Variants in TTC7A observed in about 807,000 individuals in gnomAD.
TTC7A encodes the protein tetratricopeptide repeat protein 7A.
Under a neutral mutation model 103.7 loss-of-function variants are expected in TTC7A, and 110 were observed. That is an observed-to-expected ratio of 1.06 (90% CI 0.91 to 1.24). The LOEUF (loss-of-function observed/expected upper bound fraction) is 1.24. TTC7A is among the 50% of genes most tolerant of loss of function. The pLI, the probability that TTC7A is intolerant of heterozygous loss-of-function variation, is 0.00. For synonymous variants in TTC7A, 521 were observed against 467.9 expected (o/e 1.11, Z -1.47); for missense variants, 1,340 against 1,116.3 (o/e 1.20, Z -2.86).
chr2:47,068,845 T>C (rs1553416124), intron 19 of TTC7A, among the ~76,000 whole-genome samples: 2 of 120,052 alleles, frequency 1.7e-5, no homozygotes, highest in Non-Finnish European at 1.7e-5. Context: ...TTAATTAAGC[T>C]CCAGAATCAA....
rs147261315 is a variant in TTC7A, at chr2:47,047,116, G to C, written c.1919+685G>C. ...AAACCCAATGGGATGCCTAGGCTTAGCCTATGTGGCCCAAAGGGAAAGTGG... is the reference window on the plus strand; with the variant it reads ...AAACCCAATGGGATGCCTAGGCTTACCCTATGTGGCCCAAAGGGAAAGTGG... On this transcript the variant is annotated intron_variant, in intron 16 of 19. Coordinates refer to ENST00000319190, the MANE Select transcript of TTC7A (RefSeq NM_020458.4). 1,115 of 615,752 alleles carry C rather than the reference G, an allele frequency of 1.8e-3. 8 individuals carry two copies. Among genetic ancestry groups the C allele is most frequent in the Middle Eastern group, 0.013 (29 of 2,260 alleles). 38.1% of individuals were successfully genotyped at this position (615,752 alleles called of 1,614,324 possible). A position where few individuals can be genotyped will look rare whatever the true frequency, so the allele number is the denominator to read the frequency against.
At chr2:47,049,833 G>A in intron 16 of TTC7A, 116 bp from the exon 17 acceptor site, 1 of 743,622 alleles carries the variant, frequency 1.3e-6, no homozygotes, top group Non-Finnish European at 2.3e-6. Flanking sequence ...AGCCTGCCTG[G>A]AGTGAGGCTG....
At chr2:47,037,656 T>C (rs1259244676) in intron 15 of TTC7A, among the ~76,000 whole-genome samples, 1 of 152,208 alleles carries the variant, frequency 6.6e-6, no homozygotes, top group Non-Finnish European at 1.5e-5. Flanking sequence ...ATGCACCCAG[T>C]GCTGGCTCCA....
At chr2:46,965,043 G>A (rs1426592520) in intron 3 of TTC7A, among the ~76,000 whole-genome samples, 1 of 152,214 alleles carries the variant, frequency 6.6e-6, no homozygotes, top group Admixed American at 6.5e-5. Context: ...GTGCAGTGCA[G>A]TGACATGCTA....
rs991969165 is a variant in TTC7A, at chr2:46,941,376, C to G, written c.-166C>G. On this transcript the variant is annotated 5_prime_UTR_variant, in exon 1 of 20. Transcript: ENST00000319190. This position sits in a 1 kb window ranked among gnomAD's most constrained non-coding sequence, Gnocchi z 4.2. ...CTGGGAGCTGCTGGTGCTGCTGCTG[C>G]TGCTGCTGCCCACCCTCCGCCGCCC... The G allele has an allele frequency of 6.6e-6, 3 of 457,692 alleles. No individual in the cohort carries two copies. Among genetic ancestry groups the G allele is most frequent in the African/African-American group, 6.2e-5 (3 of 48,282 alleles). The allele number at this position is 457,692 out of a possible 1,614,324, so 28.4% of individuals were successfully genotyped here. A position where few individuals can be genotyped will look rare whatever the true frequency, so the allele number is the denominator to read the frequency against.
chr2:47,029,282 A>G lies in TTC7A; in HGVS notation c.1700A>G (p.His567Arg), dbSNP rs533121536. Residue 567 changes from histidine (H) to arginine (R), a missense_variant, in exon 15 of 20, where the codon CAC becomes CGC. His to Arg is a conservative substitution (Grantham distance 29). Transcript: ENST00000319190. ...CTGAAGGTACGCAAGGATGATGCCC[A>G]CGCCCTCCACCTGCTGGCACTGCTC... ...EALKVRKDDA[H>R]ALHLLALLFS... 1.2e-6 allele frequency: 2 copies of G among 1,614,022 alleles called. No individual in the cohort carries two copies. Among genetic ancestry groups the G allele is most frequent in the African/African-American group, 2.7e-5 (2 of 75,042 alleles).
At chr2:46,989,896 A>G (rs1320084577) in intron 5 of TTC7A, among the ~76,000 whole-genome samples, 2 of 152,038 alleles carry the variant, frequency 1.3e-5, no homozygotes, top group South Asian at 4.2e-4. Context: ...GCTTCCAGGT[A>G]ATGCCACTCT....
chr2:46,950,548 C>CTGAG lies in TTC7A; in HGVS notation c.348+23_348+26dup, dbSNP rs755528347. 1.9e-6 allele frequency: 3 copies of CTGAG among 1,612,226 alleles called. No homozygotes were observed. In the African/African-American group the frequency reaches 4.0e-5, roughly 22 times the overall value. ...CTCGGTAAGTCGTCAGCCTTCAAGC[C>CTGAG]TGAGACCTCCTCTCCTCGTCTGTCT... On this transcript the variant is annotated intron_variant, in intron 2 of 19. Coordinates refer to ENST00000319190, the MANE Select transcript of TTC7A (RefSeq NM_020458.4).
At chr2:47,048,462 C>A (rs182262848) in intron 16 of TTC7A, among the ~76,000 whole-genome samples, 16 of 152,314 alleles carry the variant, frequency 1.1e-4, no homozygotes, top group African/African-American at 2.9e-4. Context: ...CCACGACCAC[C>A]TTGTGTGATG....
rs769302614 is a variant in TTC7A at position 47,029,391 on chromosome 2, G to T, written c.1802+7G>T. 19 of 1,613,310 alleles carry T rather than the reference G, an allele frequency of 1.2e-5. No individual in the cohort carries two copies. Among genetic ancestry groups the T allele is most frequent in the Non-Finnish European group, 1.6e-5 (19 of 1,179,972 alleles). ...AGCACCCTGAGAACTTCAAGTGAGTGCCCTGGGAACACTCTGGCAGTGGGG... is the reference window on the plus strand; with the variant it reads ...AGCACCCTGAGAACTTCAAGTGAGTTCCCTGGGAACACTCTGGCAGTGGGG... On this transcript the variant is annotated splice_region_variant and intron_variant, in intron 15 of 19. Coordinates refer to ENST00000319190, the MANE Select transcript of TTC7A (RefSeq NM_020458.4).
chr2:47,068,043 T>C (rs2104811290), intron 19 of TTC7A: 1 of 152,528 alleles, frequency 6.6e-6, no homozygotes, highest in Middle Eastern at 3.4e-3. Flanking sequence ...GGCAGCCTGC[T>C]TTGCGGGGGA....
intron 14 of TTC7A, among the ~76,000 whole-genome samples, chr2:47,026,367 G>T (rs905781982): frequency 6.6e-6 from 1 of 152,182 alleles, no homozygotes; most frequent in Admixed American, 6.5e-5. Context: ...TGTCCTCCTC[G>T]TATGCTCCTT....
chr2:46,969,046 C>T lies in TTC7A; in HGVS notation c.518-5927C>T, dbSNP rs58146454. On this transcript the variant is annotated intron_variant, in intron 3 of 19. Transcript: ENST00000319190. ...GCTCCCACAGTGCTGGGATTACAGA[C>T]GTGGGCCACCACTCCTGGCCTTATT... Among the ~76,000 whole-genome samples the T allele has an allele frequency of 0.014, 2,102 of 151,708 alleles. 71 individuals carry two copies. The East Asian group carries it at 0.14, about 10-fold the overall frequency.
chr2:47,050,076 G>C (rs1448552858), intron 17 of TTC7A, 30 bp downstream of exon 17: 1 of 1,553,858 alleles, frequency 6.4e-7, no homozygotes, highest in Admixed American at 1.7e-5. Flanking sequence ...GCCACTGTGT[G>C]CATGGACCCA....
rs116355215 is a variant in TTC7A at position 47,064,524 on chromosome 2, C to T, written c.2355+3553C>T. On this transcript the variant is annotated intron_variant, in intron 19 of 19. Transcript: ENST00000319190. Reference sequence around the variant, plus strand: ...GCAGGAGTCGCTGGTTGACACTGCTCTTCAGAGAGGGCTTCAAGGCTTGCC... The same window carrying T: ...GCAGGAGTCGCTGGTTGACACTGCTTTTCAGAGAGGGCTTCAAGGCTTGCC... 3.8e-3 allele frequency among the ~76,000 whole-genome samples: 584 copies of T among 152,316 alleles called. 3 individuals are homozygous for T. Among genetic ancestry groups the T allele is most frequent in the Non-Finnish European group, 6.0e-3 (409 of 68,012 alleles).
chr2:46,998,246 G>A (rs1315858440), intron 8 of TTC7A, among the ~76,000 whole-genome samples: 1 of 152,176 alleles, frequency 6.6e-6, no homozygotes, highest in African/African-American at 2.4e-5. Context: ...GAGGGATTTG[G>A]GGGAGAGTAT....
At chr2:46,973,095 A>G (rs991794786) in intron 3 of TTC7A, among the ~76,000 whole-genome samples, 2 of 152,154 alleles carry the variant, frequency 1.3e-5, no homozygotes, top group African/African-American at 4.8e-5. Context: ...ATTAACCAAA[A>G]TGCACCCCGA....
At chr2:47,005,573 T>C (rs1677286959) in intron 8 of TTC7A, among the ~76,000 whole-genome samples, 2 of 152,150 alleles carry the variant, frequency 1.3e-5, no homozygotes, top group African/African-American at 4.8e-5. Flanking sequence ...TGGACAATAA[T>C]AGTTATATAG....
chr2:46,922,026 C>T (rs764671732), intron 2 of TTC7A, among the ~76,000 whole-genome samples: 14 of 152,130 alleles, frequency 9.2e-5, no homozygotes, highest in Non-Finnish European at 1.3e-4. Context: ...ATACTGGGAA[C>T]GATAAGTTTT....
Sources: gnomAD v4.1 joint callset for allele counts (sites outside exome capture counted in the v4.1 genomes callset) on GRCh38, gnomAD v4.1.1 for gene constraint, Gnocchi (gnomAD v3.1) non-coding constraint, MANE v1.5 for transcripts, NCBI Gene and HGNC (gene_info 2026-07-23, HGNC 2026-07-21) for gene names.